The following CLMP variants were observed in gnomAD, a reference collection of about 807,000 sequenced individuals.
CLMP encodes the protein CXADR-like membrane protein.
CLMP carries 27 observed loss-of-function variants against 45.2 expected under a neutral mutation model. The observed-to-expected ratio is 0.60, with a 90% confidence interval of 0.44 to 0.82. The LOEUF (loss-of-function observed/expected upper bound fraction) is 0.82, where lower values mean the gene tolerates loss of function less well. Among genes scored for constraint, CLMP ranks in the 40% least tolerant of loss-of-function variants. The probability of loss-of-function intolerance (pLI) is 0.00; values close to 1 mark genes in which losing one functional copy is unlikely to be tolerated. For missense variants in CLMP, 403 were observed against 448.4 expected, an observed-to-expected ratio of 0.90 and a Z score of 0.91; for synonymous variants, 167 against 171.4, an observed-to-expected ratio of 0.97 and a Z score of 0.20.
intron 1 of CLMP, among the ~76,000 whole-genome samples, chr11:123,110,013 T>A (rs1384478866): frequency 6.6e-6 from 1 of 152,176 alleles, no homozygotes; most frequent in Non-Finnish European, 1.5e-5. Context: ...AGGGGCAGCA[T>A]TGTAGCTACC....
At chr11:123,149,352 C>T (rs1189119964) in intron 1 of CLMP, among the ~76,000 whole-genome samples, 1 of 152,146 alleles carries the variant, frequency 6.6e-6, no homozygotes, top group Non-Finnish European at 1.5e-5. Context: ...GGTGATTTCC[C>T]GCAGCAGCCC....
intron 1 of CLMP, among the ~76,000 whole-genome samples, chr11:123,150,489 A>G (rs546509638): frequency 8.3e-6 from 1 of 120,522 alleles, no homozygotes; most frequent in African/African-American, 3.3e-5. Flanking sequence ...GAAAGGAAGG[A>G]AGGAAGGAAG....
Position 123,141,379 on chromosome 11 carries a change from T to A in CLMP, c.29-43427A>T, listed in dbSNP as rs551042188. Among the ~76,000 whole-genome samples, 9 of 151,746 alleles carry A rather than the reference T, an allele frequency of 5.9e-5. No homozygotes were observed. In the East Asian group the frequency reaches 1.8e-3, roughly 30 times the overall value. On this transcript the variant is annotated intron_variant, in intron 1 of 6. Coordinates refer to ENST00000448775, the MANE Select transcript of CLMP (RefSeq NM_024769.5). ...TTTTGTATTTTTAGTAGAGACGGGGTTTCACCGTGTTACCAAGGATGGTCT... is the reference window on the plus strand; with the variant it reads ...TTTTGTATTTTTAGTAGAGACGGGGATTCACCGTGTTACCAAGGATGGTCT...
chr11:123,150,480 A>AAAGAAAGAAAGAGGAAGG (rs764502298), intron 1 of CLMP, among the ~76,000 whole-genome samples: 9 of 40,990 alleles, frequency 2.2e-4, no homozygotes, highest in Non-Finnish European at 3.8e-4. Context: ...AGAAAGAAAG[A>AAAGAAAGAAAGAGGAAGG]AAGGAAGGAA....
At chr11:123,090,518 C>A (rs1865919386) in intron 2 of CLMP, among the ~76,000 whole-genome samples, 1 of 152,114 alleles carries the variant, frequency 6.6e-6, no homozygotes, top group Non-Finnish European at 1.5e-5. Flanking sequence ...CCACTGACAG[C>A]TGTGTGCCTG....
intron 1 of CLMP, among the ~76,000 whole-genome samples, chr11:123,186,769 C>A (rs1015552391): frequency 6.6e-6 from 1 of 152,100 alleles, no homozygotes; most frequent in Non-Finnish European, 1.5e-5. Context: ...GTGATCCACC[C>A]GCCTCGGCCT....
At chr11:123,083,610 A>G in intron 4 of CLMP, 70 bp downstream of exon 4, 3 of 1,505,462 alleles carry the variant, frequency 2.0e-6, no homozygotes, top group Non-Finnish European at 2.8e-6. Context: ...GTTGCTGAGA[A>G]AGCTGATTTA....
rs1861266661 is a variant in CLMP, at chr11:123,148,213, G to T, written c.28+46700C>A. On this transcript the variant is annotated intron_variant, in intron 1 of 6. Transcript: ENST00000448775. ...ACGTAAGTGTAGCTGTTATGTTTAG[G>T]GCCGCAGGGCTTTTAAGTGGCTTTC... is the stretch of plus-strand genomic sequence containing the variant. Among the ~76,000 whole-genome samples, 4 of 152,278 alleles carry T rather than the reference G, an allele frequency of 2.6e-5. No homozygotes were observed. The South Asian group carries it at 8.3e-4, about 32-fold the overall frequency.
chr11:123,134,208 C>T (rs1233232124), intron 1 of CLMP, among the ~76,000 whole-genome samples: 5 of 150,650 alleles, frequency 3.3e-5, no homozygotes, highest in East Asian at 2.0e-4. Context: ...TGCAGTGAGC[C>T]GAGATCTCGC....
intron 1 of CLMP, among the ~76,000 whole-genome samples, chr11:123,128,758 T>A (rs1442373056): frequency 6.6e-6 from 1 of 152,198 alleles, no homozygotes; most frequent in Admixed American, 6.5e-5. Flanking sequence ...TTTCTCAAAT[T>A]GAATATTAAA....
chr11:123,129,714 A>C (rs2135507522), intron 1 of CLMP, among the ~76,000 whole-genome samples: 1 of 144,054 alleles, frequency 6.9e-6, no homozygotes, highest in South Asian at 2.1e-4. Context: ...TATATTATAT[A>C]ATATATAGAT....
At chr11:123,090,740 G>T (rs1865921803) in intron 2 of CLMP, among the ~76,000 whole-genome samples, 1 of 152,168 alleles carries the variant, frequency 6.6e-6, no homozygotes, top group South Asian at 2.1e-4. Context: ...TCTGTTCCCA[G>T]AAAGAGCTGG....
intron 1 of CLMP, among the ~76,000 whole-genome samples, chr11:123,114,206 T>C (rs1022658296): frequency 3.3e-5 from 5 of 152,198 alleles, no homozygotes; most frequent in Non-Finnish European, 7.3e-5. Context: ...TAGGGATCCA[T>C]GGCCAGGAAG....
intron 5 of CLMP, among the ~76,000 whole-genome samples, chr11:123,081,882 A>G (rs115554852): frequency 0.084 from 12,750 of 151,590 alleles, 1,168 homozygotes; most frequent in African/African-American, 0.22. Context: ...AAAAAAGGAA[A>G]AAAAGAAAAA....
At chr11:123,113,948 G>T (rs999747323) in intron 1 of CLMP, among the ~76,000 whole-genome samples, 3 of 152,094 alleles carry the variant, frequency 2.0e-5, no homozygotes, top group African/African-American at 7.2e-5. Flanking sequence ...TGGCAAGAAT[G>T]CCTGTGCCAG....
In CLMP at chr11:123,159,756, T is replaced by A. The variant is rs114088861; in HGVS notation, c.28+35157A>T. 7.1e-3 allele frequency among the ~76,000 whole-genome samples: 1,087 copies of A among 152,286 alleles called. 13 individuals are homozygous for A. The highest frequency in any genetic ancestry group is 0.023 in the African/African-American group (973 of 41,560). On this transcript the variant is annotated intron_variant, in intron 1 of 6. Coordinates refer to ENST00000448775, the MANE Select transcript of CLMP (RefSeq NM_024769.5). ...AGGGATGAGTAGGTGTTTTCCATAA[T>A]TCTCTGCCAATCCTCTCAGTCAATT... is the stretch of plus-strand genomic sequence containing the variant.
chr11:123,130,494 G>A (rs1860969530), intron 1 of CLMP, among the ~76,000 whole-genome samples: 1 of 152,178 alleles, frequency 6.6e-6, no homozygotes. Context: ...TTTTAAGCAA[G>A]TCAGGAGGGA....
intron 1 of CLMP, among the ~76,000 whole-genome samples, chr11:123,158,571 A>G (rs1861444790): frequency 6.6e-6 from 1 of 152,092 alleles, no homozygotes; most frequent in Non-Finnish European, 1.5e-5. Context: ...TTGTTTTCCC[A>G]CACTTGTCAT....
At chr11:123,084,853 C>T in intron 2 of CLMP, 140 bp from the exon 3 acceptor site, 1 of 662,686 alleles carries the variant, frequency 1.5e-6, no homozygotes, top group South Asian at 1.9e-5. Context: ...GACCTCTGTT[C>T]TAAATAAAAG....
Sources: gnomAD v4.1 joint callset for allele counts (sites outside exome capture counted in the v4.1 genomes callset) on GRCh38, gnomAD v4.1.1 for gene constraint, MANE v1.5 for transcripts, NCBI Gene and HGNC (gene_info 2026-07-23, HGNC 2026-07-21) for gene names.